The following AK9 variants were observed in gnomAD, a reference collection of about 807,000 sequenced individuals.
AK9 encodes the protein adenylate kinase domain containing 1.
AK9 carries 191 observed loss-of-function variants against 239.6 expected under a neutral mutation model. The observed-to-expected ratio is 0.80, with a 90% CI of 0.71 to 0.90. The LOEUF is 0.90. AK9 is among the 40% of genes least tolerant of loss of function. The probability of loss-of-function intolerance (pLI) is 0.00; values close to 1 mark genes in which losing one functional copy is unlikely to be tolerated. For missense variants in AK9, 1,995 were observed against 2,214.7 expected, an observed-to-expected ratio of 0.90 and a Z score of 1.99; for synonymous variants, 689 against 721.0, an observed-to-expected ratio of 0.96 and a Z score of 0.71.
chr6:109,528,441 T>C lies in AK9; in HGVS notation c.3633+570A>G, dbSNP rs1440823090. 7.3e-6 allele frequency: 3 copies of C among 410,844 alleles called. No individual in the cohort carries two copies. In the East Asian group the frequency reaches 2.1e-4, roughly 29 times the overall value. 25.4% of individuals were successfully genotyped at this position (410,844 alleles called of 1,614,324 possible). ...AATGTTTGCTGATGGACTGAATGAA[T>C]AAATGAATGAAAATCGAGGCAAATA... On this transcript the variant is annotated intron_variant, in intron 29 of 40. Transcript: ENST00000424296.
intron 17 of AK9, among the ~76,000 whole-genome samples, chr6:109,593,101 C>T (rs1790509488): frequency 6.6e-6 from 1 of 151,912 alleles, no homozygotes; most frequent in Non-Finnish European, 1.5e-5. Flanking sequence ...AATTCAGAAG[C>T]CCTGTCTTGC....
At chr6:109,586,983 A>AT (rs911894144) in intron 17 of AK9, among the ~76,000 whole-genome samples, 10 of 150,944 alleles carry the variant, frequency 6.6e-5, no homozygotes, top group Admixed American at 2.0e-4. Flanking sequence ...CTGCTTTTTG[A>AT]TTTTTTTTTA....
chr6:109,605,247 G>T (rs952732317), intron 17 of AK9, among the ~76,000 whole-genome samples: 1 of 152,072 alleles, frequency 6.6e-6, no homozygotes, highest in Non-Finnish European at 1.5e-5. Flanking sequence ...AACAGTCTGG[G>T]CAACATAGCA....
At chr6:109,660,457 A>C (rs1384110509) in intron 6 of AK9, among the ~76,000 whole-genome samples, 2 of 152,158 alleles carry the variant, frequency 1.3e-5, no homozygotes, top group Admixed American at 1.3e-4. Flanking sequence ...GAAACAAAGG[A>C]AGCCAGGAAT....
intron 13 of AK9, 34 bp from the exon 14 acceptor site, chr6:109,614,514 G>C: frequency 6.6e-7 from 1 of 1,524,002 alleles, no homozygotes; most frequent in Non-Finnish European, 8.9e-7. Flanking sequence ...TTAGCAAAAC[G>C]TAGTTGGGGA....
chr6:109,612,945 T>C (rs932571622), intron 15 of AK9, among the ~76,000 whole-genome samples: 1 of 149,070 alleles, frequency 6.7e-6, no homozygotes, highest in Non-Finnish European at 1.5e-5. Context: ...CTATTATTTA[T>C]ATGTGTCCTT....
rs12660936 is a variant in AK9 at position 109,669,591 on chromosome 6, G to A, written c.331+2328C>T. On this transcript the variant is annotated intron_variant, in intron 5 of 40. Coordinates refer to ENST00000424296, the MANE Select transcript of AK9 (RefSeq NM_001145128.3). ...ATACCTAATTTATTGAGAGTTTTTAGCATGAAGGGCTGTTGAATTTTGTCA... is the reference window on the plus strand; with the variant it reads ...ATACCTAATTTATTGAGAGTTTTTAACATGAAGGGCTGTTGAATTTTGTCA... 4.5e-4 allele frequency among the ~76,000 whole-genome samples: 68 copies of A among 152,238 alleles called. No individual in the cohort carries two copies. The East Asian group carries it at 6.2e-3, about 14-fold the overall frequency.
chr6:109,662,697 A>G, intron 5 of AK9, 34 bp from the exon 6 acceptor site: 1 of 1,234,810 alleles, frequency 8.1e-7, no homozygotes, highest in South Asian at 2.0e-5. Context: ...AAACTTTTAT[A>G]AAATTATCAA....
At chr6:109,604,785 G>A (rs1357783902) in intron 17 of AK9, among the ~76,000 whole-genome samples, 1 of 152,106 alleles carries the variant, frequency 6.6e-6, no homozygotes, top group East Asian at 1.9e-4. Flanking sequence ...AATTGAGAAA[G>A]ATACCTTAAT....
At chr6:109,586,189 GA>G (rs138580174) in intron 17 of AK9, 117 bp from the exon 18 acceptor site, 53 of 877,300 alleles carry the variant, frequency 6.0e-5, no homozygotes, top group Middle Eastern at 4.6e-4. Flanking sequence ...CTTTCAAAAG[GA>G]AAAAAAAGGG....
chr6:109,635,944 CA>C (rs1562527250), intron 10 of AK9, among the ~76,000 whole-genome samples: 1 of 152,170 alleles, frequency 6.6e-6, no homozygotes, highest in East Asian at 1.9e-4. Flanking sequence ...AAAATATCAC[CA>C]TTGGTTCTAG....
intron 12 of AK9, among the ~76,000 whole-genome samples, chr6:109,624,436 G>A (rs1057513985): frequency 1.3e-5 from 2 of 152,092 alleles, no homozygotes; most frequent in East Asian, 3.8e-4. Context: ...TTGTGTGTGT[G>A]ACTGAAAATG....
intron 27 of AK9, among the ~76,000 whole-genome samples, chr6:109,534,040 C>T (rs1018972550): frequency 6.6e-6 from 1 of 151,884 alleles, no homozygotes; most frequent in Admixed American, 6.6e-5. Context: ...AACTCATACC[C>T]ACCTCCCTGG....
At chr6:109,511,011 T>C (rs1026528796) in intron 32 of AK9, among the ~76,000 whole-genome samples, 5 of 151,978 alleles carry the variant, frequency 3.3e-5, no homozygotes, top group African/African-American at 4.8e-5. Flanking sequence ...TCATTAACAG[T>C]ACTTCAGGTA....
rs1793434603 is a variant in AK9, at chr6:109,610,409, G to A, written c.1798C>T (p.Pro600Ser). Residue 600 changes from proline to serine, a missense_variant, in exon 17 of 41, where the codon CCA becomes TCA. Pro to Ser is a moderately conservative substitution (Grantham distance 74, BLOSUM62 -1). Coordinates refer to ENST00000424296, the MANE Select transcript of AK9 (RefSeq NM_001145128.3). ...KMSQDINFEQ[P>S]YEKHAEILQE... Reference sequence around the variant, plus strand: ...AAGATTTCAGCATGTTTTTCATATGGCTGTTCAAAGTTTATATCCTGTGAC... The same window carrying A: ...AAGATTTCAGCATGTTTTTCATATGACTGTTCAAAGTTTATATCCTGTGAC... 3.9e-6 allele frequency: 6 copies of A among 1,551,422 alleles called. No individual in the cohort carries two copies. Among genetic ancestry groups the A allele is most frequent in the Admixed American group, 2.0e-5 (1 of 50,976 alleles).
chr6:109,526,106 A>G (rs9480971), intron 29 of AK9, among the ~76,000 whole-genome samples: 31,493 of 151,946 alleles, frequency 0.21, 3,420 homozygotes, highest in South Asian at 0.33. Context: ...CACAAAGAGG[A>G]GAACAAAAGA....
chr6:109,540,742 G>T (rs1417254358), intron 27 of AK9, among the ~76,000 whole-genome samples: 1 of 152,066 alleles, frequency 6.6e-6, no homozygotes. Context: ...TTTTTCTTTA[G>T]AGGTGCCTTC....
chr6:109,505,190 A>G (rs561454393), intron 35 of AK9, among the ~76,000 whole-genome samples: 1 of 152,356 alleles, frequency 6.6e-6, no homozygotes, highest in South Asian at 2.1e-4. Context: ...AAATCAAGAT[A>G]CAGTGCTGCA....
rs1458816389 is a variant in AK9 at position 109,614,212 on chromosome 6, T to C, written c.1580A>G (p.His527Arg). The change falls in exon 15 of 41, where the codon CAT becomes CGT. Residue 527 changes from histidine to arginine, a missense_variant. His to Arg is a conservative substitution (Grantham distance 29, BLOSUM62 0). This residue lies in a region of AK9 where 1,290 missense variants were observed against 1,392.7 expected (regional missense o/e 0.93). Coordinates refer to ENST00000424296, the MANE Select transcript of AK9 (RefSeq NM_001145128.3). ...EAKTKSENVL[H>R]DQAAKVDKDD... ...TTTATCAACTTTAGCAGCTTGATCATGGAGGACATTTTCTGACTTTGTTTT... is the reference window on the plus strand; with the variant it reads ...TTTATCAACTTTAGCAGCTTGATCACGGAGGACATTTTCTGACTTTGTTTT... 6.4e-6 allele frequency: 10 copies of C among 1,551,384 alleles called. No individual in the cohort carries two copies. The highest frequency in any genetic ancestry group is 8.7e-6 in the Non-Finnish European group (10 of 1,146,738).
Sources: allele counts gnomAD v4.1 joint callset (sites outside exome capture counted in the v4.1 genomes callset), GRCh38; gene constraint gnomAD v4.1.1; regional missense constraint gnomAD v4.1.1; transcripts MANE v1.5; gene names NCBI Gene and HGNC (gene_info 2026-07-23, HGNC 2026-07-21).